Variants in VKORC1L1 observed in about 807,000 individuals in gnomAD.
VKORC1L1 encodes the protein vitamin K epoxide reductase complex subunit 1-like protein 1.
In VKORC1L1, 2 loss-of-function variants were observed where a neutral mutation model predicts 18.9. The observed-to-expected ratio is 0.11, with a 90% confidence interval of 0.04 to 0.33. The LOEUF (loss-of-function observed/expected upper bound fraction) is 0.33, where lower values mean the gene tolerates loss of function less well. Among genes scored for constraint, VKORC1L1 ranks in the 10% least tolerant of loss-of-function variants. The pLI is 1.00. For missense variants in VKORC1L1, 123 were observed against 224.1 expected, an observed-to-expected ratio of 0.55 and a Z score of 2.88; for synonymous variants, 96 against 100.0, an observed-to-expected ratio of 0.96 and a Z score of 0.24.
chr7:65,948,290 G>A (rs1320085323), intron 1 of VKORC1L1, among the ~76,000 whole-genome samples: 2 of 150,984 alleles, frequency 1.3e-5, no homozygotes, highest in Non-Finnish European at 2.9e-5. Flanking sequence ...AGCCCAAAAT[G>A]TCAGTAGTCC....
intron 1 of VKORC1L1, among the ~76,000 whole-genome samples, chr7:65,942,491 CA>C (rs764138467): frequency 0.18 from 13,427 of 75,452 alleles, 679 homozygotes; most frequent in East Asian, 0.39. Flanking sequence ...GACTCCATCT[CA>C]AAAAAAAAAA....
upstream of VKORC1L1, among the ~76,000 whole-genome samples, chr7:65,869,640 CTTT>C (rs1226951533): frequency 2.6e-5 from 2 of 77,278 alleles, no homozygotes. Flanking sequence ...CGATTTCATT[CTTT>C]TTTTTTTTTT....
At chr7:65,932,160 C>T (rs1290037142) in intron 1 of VKORC1L1, among the ~76,000 whole-genome samples, 1 of 151,808 alleles carries the variant, frequency 6.6e-6, no homozygotes, top group African/African-American at 2.4e-5. Flanking sequence ...TGCAGTGGCA[C>T]GAACTCAGCT....
chr7:65,877,607 G>A (rs1337425084), intron 1 of VKORC1L1, among the ~76,000 whole-genome samples: 2 of 152,114 alleles, frequency 1.3e-5, no homozygotes, highest in Non-Finnish European at 2.9e-5. Flanking sequence ...CTCAGCCTCC[G>A]AAAGTGCTGA....
chr7:65,906,750 A>G (rs1789412413), intron 1 of VKORC1L1, among the ~76,000 whole-genome samples: 1 of 152,192 alleles, frequency 6.6e-6, no homozygotes, highest in African/African-American at 2.4e-5. Flanking sequence ...AGTAAAGGGG[A>G]AGAGATCCAT....
intron 1 of VKORC1L1, among the ~76,000 whole-genome samples, chr7:65,873,776 G>T (rs1788774861): frequency 6.6e-6 from 1 of 151,412 alleles, no homozygotes; most frequent in Admixed American, 6.6e-5. Flanking sequence ...GGGCGGAGGT[G>T]GCGGGGCCGC....
intron 1 of VKORC1L1, among the ~76,000 whole-genome samples, chr7:65,874,378 T>C (rs1788789423): frequency 6.6e-6 from 1 of 151,894 alleles, no homozygotes; most frequent in African/African-American, 2.4e-5. Context: ...TTGTTGCCTA[T>C]TAGCATATTC....
At position 65,895,516 on chromosome 7, in the gene VKORC1L1, T is replaced by TATACACAC. The variant is rs370356956; in HGVS notation, c.194+21952_194+21953insTACACACA. Among the ~76,000 whole-genome samples the TATACACAC allele has an allele frequency of 9.3e-3, 661 of 71,116 alleles. 5 individuals carry two copies. Among genetic ancestry groups the TATACACAC allele is most frequent in the Non-Finnish European group, 0.014 (526 of 37,194 alleles). 46.7% of individuals were successfully genotyped at this position (71,116 alleles called of 152,430 possible). The stretch of plus-strand genomic sequence containing the variant: ...ATATATATATATATATATATATATA[T>TATACACAC]ACACACACACACACACACACACATA... On this transcript the variant is annotated intron_variant, in intron 1 of 2. Transcript: ENST00000360768.
At chr7:65,906,377 A>G (rs1789406712) in intron 1 of VKORC1L1, among the ~76,000 whole-genome samples, 1 of 149,278 alleles carries the variant, frequency 6.7e-6, no homozygotes, top group South Asian at 2.1e-4. Flanking sequence ...TCTCAAAAAG[A>G]AAAAAAAAAG....
At chr7:65,908,013 T>G (rs1789434550) in intron 1 of VKORC1L1, among the ~76,000 whole-genome samples, 1 of 152,216 alleles carries the variant, frequency 6.6e-6, no homozygotes, top group Admixed American at 6.5e-5. Flanking sequence ...TCAGATCTGT[T>G]AACTCCTTTG....
chr7:65,895,508 TATATATATACACACACAC>T (rs1251030550), intron 1 of VKORC1L1, among the ~76,000 whole-genome samples: 7 of 92,750 alleles, frequency 7.5e-5, no homozygotes, highest in African/African-American at 2.4e-4. Flanking sequence ...TATATATATA[TATATATATACACACACAC>T]ACACACACAC....
At chr7:65,932,193 G>A (rs1562651585) in intron 1 of VKORC1L1, among the ~76,000 whole-genome samples, 1 of 151,960 alleles carries the variant, frequency 6.6e-6, no homozygotes, top group Non-Finnish European at 1.5e-5. Flanking sequence ...TGCCTCCCGG[G>A]TTCCAGTAAT....
chr7:65,888,674 T>C (rs1789055468), intron 1 of VKORC1L1, among the ~76,000 whole-genome samples: 2 of 152,122 alleles, frequency 1.3e-5, no homozygotes, highest in South Asian at 4.1e-4. Flanking sequence ...TCTTAACCAC[T>C]TCAGTCACAT....
At chr7:65,929,908 T>C (rs776573593) in intron 1 of VKORC1L1, among the ~76,000 whole-genome samples, 1 of 151,804 alleles carries the variant, frequency 6.6e-6, no homozygotes, top group Non-Finnish European at 1.5e-5. Flanking sequence ...ATATTTAGTC[T>C]TCCAATCCAC....
At chr7:65,945,379 A>C (rs1476787835) in intron 1 of VKORC1L1, among the ~76,000 whole-genome samples, 2 of 152,164 alleles carry the variant, frequency 1.3e-5, no homozygotes, top group Non-Finnish European at 2.9e-5. Context: ...TGGGAGGCCG[A>C]GGCGGGCAGA....
At chr7:65,909,690 TTGTGTGTGTGTGTGTGTGTGTGTG>T (rs56074368) in intron 1 of VKORC1L1, among the ~76,000 whole-genome samples, 4 of 123,758 alleles carry the variant, frequency 3.2e-5, no homozygotes, top group Non-Finnish European at 3.3e-5. Flanking sequence ...GTTTTAGCCT[TTGTGTGTGTGTGTGTGTGTGTGTG>T]TGTGTGTGTG....
At chr7:65,882,395 TAAAATA>T (rs1788943269) in intron 1 of VKORC1L1, among the ~76,000 whole-genome samples, 1 of 87,174 alleles carries the variant, frequency 1.1e-5, no homozygotes, top group South Asian at 3.5e-4. Flanking sequence ...TAAAATAAAA[TAAAATA>T]AAAAGTAAAA....
chr7:65,901,731 C>T (rs1201902205), intron 1 of VKORC1L1, among the ~76,000 whole-genome samples: 4 of 152,084 alleles, frequency 2.6e-5, no homozygotes, highest in Admixed American at 2.6e-4. Context: ...GGGAGTTGTA[C>T]ACAGAACTCC....
chr7:65,938,484 G>A (rs1789983114), intron 1 of VKORC1L1, among the ~76,000 whole-genome samples: 1 of 152,176 alleles, frequency 6.6e-6, no homozygotes, highest in African/African-American at 2.4e-5. Flanking sequence ...GTGAATTTCT[G>A]CATTGAAAGA....
Sources: allele counts gnomAD v4.1 joint callset (sites outside exome capture counted in the v4.1 genomes callset), GRCh38; gene constraint gnomAD v4.1.1; transcripts MANE v1.5; gene names NCBI Gene and HGNC (gene_info 2026-07-23, HGNC 2026-07-21).